NBAS: variants seen among roughly 807,000 people sequenced by gnomAD.
The protein encoded by NBAS is NAG/BC035112 fusion.
Under a neutral mutation model 302.5 loss-of-function variants are expected in NBAS, and 219 were observed. The observed-to-expected ratio is 0.72, with a 90% CI of 0.65 to 0.81. The LOEUF is 0.81. NBAS is among the 30% of genes least tolerant of loss of function. NBAS has a pLI of 0.00. For missense variants in NBAS, 2,932 were observed against 2,841.6 expected, an observed-to-expected ratio of 1.03 and a Z score of -0.72; for synonymous variants, 1,118 against 1,021.6, an observed-to-expected ratio of 1.09 and a Z score of -1.80.
intron 16 of NBAS, among the ~76,000 whole-genome samples, chr2:15,468,913 A>G (rs920139272): frequency 2.6e-5 from 4 of 152,250 alleles, no homozygotes; most frequent in Non-Finnish European, 4.4e-5. Flanking sequence ...ATAATTAATA[A>G]GCATGTTTAA....
chr2:15,045,215 G>A, the NBAS span, among the ~76,000 whole-genome samples: 12 of 152,314 alleles, frequency 7.9e-5, no homozygotes, highest in Middle Eastern at 3.4e-3. Context: ...AATACAATGC[G>A]ACATGATCCT....
rs139341177 is a variant in NBAS, at chr2:15,415,646, G to A, written c.2837C>T (p.Ser946Leu). ...VPFLHRCEKQ[S>L]PGVANELLKE... ...TAATAGCTCATTAGCCACACCAGGCGACTGTTTCTCACAACGATGAAGAAA... is the reference window on the plus strand; with the variant it reads ...TAATAGCTCATTAGCCACACCAGGCAACTGTTTCTCACAACGATGAAGAAA... The change falls in exon 25 of 52, where the codon TCG (serine) becomes TTG (leucine). Residue 946 changes from serine to leucine, a missense_variant. Transcript: ENST00000281513. 4.6e-5 allele frequency: 74 copies of A among 1,614,066 alleles called. No individual in the cohort carries two copies. The African/African-American group carries it at 5.5e-4, about 12-fold the overall frequency.
chr2:14,784,116 C>T, the NBAS span, among the ~76,000 whole-genome samples: 1 of 152,056 alleles, frequency 6.6e-6, no homozygotes, highest in South Asian at 2.1e-4. Context: ...GCATAAATGT[C>T]TTCTTTTGAG....
At chr2:15,315,224 T>G (rs1195589783) in intron 38 of NBAS, among the ~76,000 whole-genome samples, 1 of 152,238 alleles carries the variant, frequency 6.6e-6, no homozygotes, top group African/African-American at 2.4e-5. Context: ...AGTTTACTGA[T>G]ATCTATGATT....
At chr2:15,233,179 T>C (rs921804529) in intron 46 of NBAS, among the ~76,000 whole-genome samples, 1 of 152,204 alleles carries the variant, frequency 6.6e-6, no homozygotes, top group African/African-American at 2.4e-5. Flanking sequence ...TTATGAACAC[T>C]GTCAATAAAA....
the NBAS span, among the ~76,000 whole-genome samples, chr2:15,133,960 C>T: frequency 6.6e-6 from 1 of 151,950 alleles, no homozygotes. Context: ...CAGACAAATC[C>T]CTCGGGGATT....
chr2:15,174,726 T>C (rs1029024058), intron 51 of NBAS, among the ~76,000 whole-genome samples: 5 of 152,348 alleles, frequency 3.3e-5, no homozygotes, highest in South Asian at 4.1e-4. Flanking sequence ...TGGTGGGGTA[T>C]AGACTTTGAA....
downstream of NBAS, among the ~76,000 whole-genome samples, chr2:15,164,429 T>C (rs1249534516): frequency 6.6e-6 from 1 of 152,234 alleles, no homozygotes. Context: ...ACTTATTAAT[T>C]AGTAACTTAA....
chr2:15,257,683 G>A (rs1668666407), intron 44 of NBAS, among the ~76,000 whole-genome samples: 1 of 152,100 alleles, frequency 6.6e-6, no homozygotes, highest in Non-Finnish European at 1.5e-5. Flanking sequence ...CCAATGCTGT[G>A]CTTTCAACAC....
At chr2:14,800,047 T>G in the NBAS span, among the ~76,000 whole-genome samples, 15 of 152,206 alleles carry the variant, frequency 9.9e-5, no homozygotes, top group Non-Finnish European at 1.8e-4. Context: ...ACCACTAGCA[T>G]GTATGTGCTT....
At chr2:15,011,732 A>G in the NBAS span, among the ~76,000 whole-genome samples, 1 of 151,974 alleles carries the variant, frequency 6.6e-6, no homozygotes, top group East Asian at 1.9e-4. Flanking sequence ...AGAAAGCCCA[A>G]CCCCAGCAAA....
intron 19 of NBAS, among the ~76,000 whole-genome samples, chr2:15,466,137 T>G (rs999451909): frequency 6.6e-6 from 1 of 152,170 alleles, no homozygotes; most frequent in Non-Finnish European, 1.5e-5. Context: ...CCTCTTTCAG[T>G]ATTTGTTTAA....
chr2:15,144,531 G>A, the NBAS span, among the ~76,000 whole-genome samples: 1 of 152,218 alleles, frequency 6.6e-6, no homozygotes, highest in Non-Finnish European at 1.5e-5. Context: ...CTTTGGGGAA[G>A]ACAGGAGTCG....
intron 25 of NBAS, among the ~76,000 whole-genome samples, chr2:15,403,435 A>G (rs1676247115): frequency 6.6e-6 from 1 of 152,210 alleles, no homozygotes; most frequent in South Asian, 2.1e-4. Context: ...TCTGGGGGAA[A>G]AAGTGTCTGT....
At chr2:15,325,933 T>G (rs1297323352) in intron 38 of NBAS, among the ~76,000 whole-genome samples, 1 of 152,252 alleles carries the variant, frequency 6.6e-6, no homozygotes, top group South Asian at 2.1e-4. Context: ...CATTATAGGG[T>G]TATTAACTTG....
chr2:15,078,534 TTCA>T, the NBAS span, among the ~76,000 whole-genome samples: 1 of 152,218 alleles, frequency 6.6e-6, no homozygotes, highest in Non-Finnish European at 1.5e-5. Flanking sequence ...GCAAAGACTT[TTCA>T]GCCTGGTGTG....
chr2:15,083,419 C>T, the NBAS span, among the ~76,000 whole-genome samples: 1 of 152,188 alleles, frequency 6.6e-6, no homozygotes, highest in Non-Finnish European at 1.5e-5. Context: ...TTCTTTTTCT[C>T]CCCAGGTTTG....
At chr2:15,434,195 A>G (rs1366765692) in intron 21 of NBAS, among the ~76,000 whole-genome samples, 1 of 152,206 alleles carries the variant, frequency 6.6e-6, no homozygotes, top group East Asian at 1.9e-4. Context: ...GCTGCTCTAT[A>G]CAAGATGATT....
the NBAS span, among the ~76,000 whole-genome samples, chr2:14,969,143 T>C: frequency 1.3e-5 from 2 of 152,090 alleles, no homozygotes; most frequent in Admixed American, 6.5e-5. Context: ...ATGCCTAGAA[T>C]AGTCAATTCT....
Sources: gnomAD v4.1 joint callset for allele counts (sites outside exome capture counted in the v4.1 genomes callset) on GRCh38, gnomAD v4.1.1 for gene constraint, MANE v1.5 for transcripts, NCBI Gene and HGNC (gene_info 2026-07-23, HGNC 2026-07-21) for gene names.